UPF2: variants seen among roughly 807,000 people sequenced by gnomAD.
UPF2 encodes regulator of nonsense transcripts 2.
Under a neutral mutation model 141.4 loss-of-function variants are expected in UPF2, and 17 were observed. The ratio of observed to expected loss-of-function variants is 0.12; its 90% CI spans 0.08 to 0.18. UPF2 has a LOEUF of 0.18. Ranked by LOEUF, UPF2 falls within the 10% of genes least tolerant of loss-of-function variation. The pLI, the probability that UPF2 is intolerant of heterozygous loss-of-function variation, is 1.00. For synonymous variants in UPF2, 540 were observed against 498.0 expected (o/e 1.08, Z -1.12); for missense variants, 1,152 against 1,515.9 (o/e 0.76, Z 3.99).
chr10:12,028,020 T>C (rs566147319), intron 3 of UPF2, among the ~76,000 whole-genome samples: 4 of 152,296 alleles, frequency 2.6e-5, no homozygotes, highest in South Asian at 4.1e-4. Flanking sequence ...TCCATAGAAA[T>C]TGACCTAATG....
At position 11,956,888 on chromosome 10, in the gene UPF2, T is replaced by C. The variant is rs1278885787; in HGVS notation, c.2371-365A>G. 6.6e-6 allele frequency among the ~76,000 whole-genome samples: 1 copy of C among 152,098 alleles called. No homozygotes were observed. The highest frequency in any genetic ancestry group is 1.5e-5 in the Non-Finnish European group (1 of 68,022). ...CAGGCTGGAGTGCAGTAGCGCAATC[T>C]TGACTCACTGCAACCTCCTCCTCCA... On this transcript the variant is annotated intron_variant, in intron 12 of 21. Coordinates refer to ENST00000357604, the MANE Select transcript of UPF2 (RefSeq NM_015542.4). The surrounding 1 kb of genome is among the most constrained non-coding windows in gnomAD (Gnocchi z 4.2).
In UPF2 at chr10:12,042,250, C is replaced by G. The variant is rs887775565; in HGVS notation, c.-19+505G>C. Among the ~76,000 whole-genome samples the G allele has an allele frequency of 7.9e-5, 12 of 151,948 alleles. No individual in the cohort carries two copies. The highest frequency in any genetic ancestry group is 2.9e-4 in the African/African-American group (12 of 41,366). On this transcript the variant is annotated intron_variant, in intron 1 of 21. Transcript: ENST00000357604. The surrounding 1 kb of genome is among the most constrained non-coding windows in gnomAD (Gnocchi z 5.5). ...CCACAGGTATCCACGGTCACCTTCG[C>G]GGACCATCGCTGCCCCAACCCCAAC...
chr10:12,035,186 C>A lies in UPF2; in HGVS notation c.238G>T (p.Val80Leu). 1 of 1,613,404 alleles carries A rather than the reference C, an allele frequency of 6.2e-7. No individual in the cohort carries two copies. The highest frequency in any genetic ancestry group is 8.5e-7 in the Non-Finnish European group (1 of 1,179,916). Residue 80 changes from valine (V) to leucine (L), a missense_variant, in exon 2 of 22, where the codon GTG (valine) becomes TTG (leucine). Physicochemically the swap from Val to Leu is conservative, Grantham distance 32 (BLOSUM62 1). This residue lies in a region of UPF2 where 145 missense variants were observed against 136.5 expected (regional missense o/e 1.06). Transcript: ENST00000357604. ...KERKKKDEEK[V>L]KAEEESKKKE... is the part of the protein sequence containing the mutation. ...TTCTTTGATTCTTCCTCTGCCTTCACCTTTTCTTCGTCTTTTTTCTTGCGT... is the reference window on the plus strand; with the variant it reads ...TTCTTTGATTCTTCCTCTGCCTTCAACTTTTCTTCGTCTTTTTTCTTGCGT...
chr10:11,978,731 A>G (rs1181079568), intron 9 of UPF2, among the ~76,000 whole-genome samples: 1 of 152,140 alleles, frequency 6.6e-6, no homozygotes, highest in Admixed American at 6.6e-5. Flanking sequence ...ATGGCAGCCA[A>G]TGATGTTTCT....
intron 3 of UPF2, among the ~76,000 whole-genome samples, chr10:12,017,443 C>T (rs1276513360): frequency 6.6e-6 from 1 of 152,182 alleles, no homozygotes; most frequent in African/African-American, 2.4e-5. Flanking sequence ...CTCACTTTCA[C>T]GTGTGGATTT....
Position 12,013,134 on chromosome 10 carries a change from A to T in UPF2, c.1306+890T>A, listed in dbSNP as rs551946839. 3.7e-3 allele frequency among the ~76,000 whole-genome samples: 561 copies of T among 151,890 alleles called. 1 individual carries two copies. The highest frequency in any genetic ancestry group is 0.01 in the Middle Eastern group (3 of 292). On this transcript the variant is annotated intron_variant, in intron 4 of 21. Coordinates refer to ENST00000357604, the MANE Select transcript of UPF2 (RefSeq NM_015542.4). ...AGCAAGACTCTGTCTCAAAAAAAAA[A>T]AAGTGTAAGAATTATGTACATTATT... is the stretch of plus-strand genomic sequence containing the variant.
intron 15 of UPF2, among the ~76,000 whole-genome samples, chr10:11,948,901 AAG>A (rs1372343651): frequency 2.0e-5 from 3 of 152,230 alleles, no homozygotes; most frequent in Non-Finnish European, 4.4e-5. Flanking sequence ...GTGAGATTTA[AAG>A]AGTCTCCAAA....
intron 18 of UPF2, among the ~76,000 whole-genome samples, chr10:11,937,431 G>C (rs1460863233): frequency 6.6e-6 from 1 of 152,214 alleles, no homozygotes; most frequent in African/African-American, 2.4e-5. Flanking sequence ...GTGACTACCT[G>C]TACCTGGCTG....
At chr10:11,954,814 TAAAAAAA>T (rs76952881) in intron 14 of UPF2, among the ~76,000 whole-genome samples, 1 of 134,464 alleles carries the variant, frequency 7.4e-6, no homozygotes, top group African/African-American at 2.7e-5. Flanking sequence ...CATTTCTATT[TAAAAAAA>T]AAAAAAAGAA....
intron 3 of UPF2, among the ~76,000 whole-genome samples, chr10:12,015,762 G>A (rs746284499): frequency 6.6e-6 from 1 of 152,070 alleles, no homozygotes; most frequent in Non-Finnish European, 1.5e-5. Flanking sequence ...TCAATTTTCC[G>A]AATATTAGTT....
intron 10 of UPF2, among the ~76,000 whole-genome samples, chr10:11,964,790 C>T (rs1833294121): frequency 6.6e-6 from 1 of 152,108 alleles, no homozygotes; most frequent in Non-Finnish European, 1.5e-5. Flanking sequence ...TGAAGTATCC[C>T]TTATCTGAAA....
intron 14 of UPF2, among the ~76,000 whole-genome samples, chr10:11,954,331 C>T (rs956224146): frequency 6.6e-6 from 1 of 151,662 alleles, no homozygotes; most frequent in South Asian, 2.1e-4. Context: ...GATAGGTTTT[C>T]TTTTTTTAAA....
At chr10:11,983,822 C>A (rs541700002) in intron 8 of UPF2, among the ~76,000 whole-genome samples, 1 of 152,086 alleles carries the variant, frequency 6.6e-6, no homozygotes, top group African/African-American at 2.4e-5. Flanking sequence ...TGAAATAACA[C>A]GTTTTCTATG....
intron 16 of UPF2, among the ~76,000 whole-genome samples, chr10:11,944,661 C>T (rs1447230084): frequency 6.6e-6 from 1 of 152,192 alleles, no homozygotes. Context: ...ACTTCCCATT[C>T]ATAAACTAAG....
Position 11,920,878 on chromosome 10 carries a change from A to G in UPF2, c.*420T>C, listed in dbSNP as rs909127770. On this transcript the variant is annotated 3_prime_UTR_variant, in exon 22 of 22. Transcript: ENST00000357604. Reference sequence around the variant, plus strand: ...ATCTTCTTCCAACGTGGGATGTTCAATTCAGAGACACTGAAACTCAAATCA... The same window carrying G: ...ATCTTCTTCCAACGTGGGATGTTCAGTTCAGAGACACTGAAACTCAAATCA... 1.7e-5 allele frequency: 7 copies of G among 402,340 alleles called. No homozygotes were observed. The highest frequency in any genetic ancestry group is 3.5e-4 in the Middle Eastern group (1 of 2,832). The allele number at this position is 402,340 out of a possible 1,614,324, so 24.9% of individuals were successfully genotyped here. A position where few individuals can be genotyped will look rare whatever the true frequency, so the allele number is the denominator to read the frequency against.
At chr10:12,038,378 T>TCACTCACACACACACA (rs71380802) in intron 1 of UPF2, among the ~76,000 whole-genome samples, 22 of 135,930 alleles carry the variant, frequency 1.6e-4, no homozygotes, top group Middle Eastern at 3.7e-3. Context: ...AGACTCCATC[T>TCACTCACACACACACA]CACACACACA....
intron 9 of UPF2, among the ~76,000 whole-genome samples, chr10:11,973,916 G>T (rs530415466): frequency 6.6e-6 from 1 of 152,232 alleles, no homozygotes; most frequent in South Asian, 2.1e-4. Flanking sequence ...TTCCAATTCT[G>T]TGAAGAAAGT....
At chr10:12,037,302 G>A (rs1251296892) in intron 1 of UPF2, among the ~76,000 whole-genome samples, 1 of 151,992 alleles carries the variant, frequency 6.6e-6, no homozygotes, top group Non-Finnish European at 1.5e-5. Flanking sequence ...GGCTGGTCTC[G>A]AAATCCTGAG....
chr10:12,025,770 G>A (rs922848273), intron 3 of UPF2, among the ~76,000 whole-genome samples: 1 of 152,104 alleles, frequency 6.6e-6, no homozygotes, highest in Non-Finnish European at 1.5e-5. Flanking sequence ...GCTTATCAAA[G>A]CTGAATGTGA....
Sources: gnomAD v4.1 joint callset for allele counts (sites outside exome capture counted in the v4.1 genomes callset) on GRCh38, gnomAD v4.1.1 for gene constraint, gnomAD v4.1.1 regional missense constraint, Gnocchi (gnomAD v3.1) non-coding constraint, MANE v1.5 for transcripts, NCBI Gene and HGNC (gene_info 2026-07-23, HGNC 2026-07-21) for gene names.